PHF24: variants seen among roughly 807,000 people sequenced by gnomAD.
PHF24 encodes PHD finger protein 24.
Under a neutral mutation model 42.6 loss-of-function variants are expected in PHF24, and 25 were observed. The ratio of observed to expected loss-of-function variants is 0.59; its 90% CI spans 0.43 to 0.82. The LOEUF (loss-of-function observed/expected upper bound fraction) is 0.82. Among genes scored for constraint, PHF24 ranks in the 40% least tolerant of loss-of-function variants. The probability of loss-of-function intolerance (pLI) is 0.00; values close to 1 mark genes in which losing one functional copy is unlikely to be tolerated. For synonymous variants in PHF24, 185 were observed against 204.8 expected (o/e 0.90, Z 0.83); for missense variants, 470 against 538.1 (o/e 0.87, Z 1.25).
At chr9:34,792,362 C>A in the PHF24 span, among the ~76,000 whole-genome samples, 6 of 152,268 alleles carry the variant, frequency 3.9e-5, no homozygotes, top group East Asian at 1.2e-3. Flanking sequence ...TGGGAAGGAC[C>A]CTGCAAAATC....
At chr9:34,835,670 G>A in the PHF24 span, 1 of 1,551,434 alleles carries the variant, frequency 6.4e-7, no homozygotes, top group Non-Finnish European at 8.7e-7. Flanking sequence ...AGCACAGCTG[G>A]CACTTGAAAT....
At chr9:34,710,043 G>C in the PHF24 span, 1 of 1,614,024 alleles carries the variant, frequency 6.2e-7, no homozygotes, top group Non-Finnish European at 8.5e-7. Context: ...GGATAAGGAG[G>C]CTCAGAGCCA....
the PHF24 span, among the ~76,000 whole-genome samples, chr9:34,712,382 T>A: frequency 6.6e-6 from 1 of 152,304 alleles, no homozygotes; most frequent in Middle Eastern, 3.4e-3. Context: ...TCAATTTTTT[T>A]AATGCCCTGT....
the PHF24 span, among the ~76,000 whole-genome samples, chr9:34,695,577 G>A: frequency 6.6e-6 from 1 of 152,206 alleles, no homozygotes. Context: ...GGTATCTGAA[G>A]TAGGGGGGCA....
the PHF24 span, among the ~76,000 whole-genome samples, chr9:34,711,067 A>G: frequency 3.9e-5 from 6 of 152,282 alleles, no homozygotes; most frequent in East Asian, 5.8e-4. Flanking sequence ...TTTCAATGGT[A>G]TATAAACATT....
At chr9:34,918,119 T>A in the PHF24 span, 1 of 1,549,776 alleles carries the variant, frequency 6.5e-7, no homozygotes, top group Non-Finnish European at 8.9e-7. Context: ...TTTCTGCTGG[T>A]GTAGCCAATC....
chr9:34,708,599 T>A, the PHF24 span, among the ~76,000 whole-genome samples: 1 of 152,162 alleles, frequency 6.6e-6, no homozygotes, highest in Non-Finnish European at 1.5e-5. Flanking sequence ...TAGGGACCCT[T>A]CCAAAGAACC....
the PHF24 span, among the ~76,000 whole-genome samples, chr9:34,730,757 G>A: frequency 0.53 from 80,378 of 152,078 alleles, 23,975 homozygotes; most frequent in South Asian, 0.74. Context: ...CTGGGTAGTC[G>A]AAGTTAAGTT....
chr9:34,977,994 TG>T lies in PHF24; in HGVS notation c.1107-20del, dbSNP rs1827266023. The T allele has an allele frequency of 6.3e-7, 1 of 1,589,916 alleles. No homozygotes were observed. ...TGTCTTCAAACCAGCCTCACGACTC[TG>T]TTCTTTGCTTCCACTCCAGATTTGT... On this transcript the variant is annotated intron_variant, in intron 7 of 7. Coordinates refer to ENST00000242315, the Ensembl canonical transcript of PHF24.
the PHF24 span, among the ~76,000 whole-genome samples, chr9:34,869,677 A>T: frequency 8.5e-5 from 13 of 152,124 alleles, no homozygotes; most frequent in Admixed American, 8.5e-4. Context: ...GCCTGCATAT[A>T]TCTTACTACC....
At chr9:34,821,335 A>G in the PHF24 span, among the ~76,000 whole-genome samples, 1 of 151,746 alleles carries the variant, frequency 6.6e-6, no homozygotes, top group African/African-American at 2.4e-5. Flanking sequence ...GTTTATTTCT[A>G]TAATGGTTGT....
At chr9:34,875,637 A>G in the PHF24 span, among the ~76,000 whole-genome samples, 2 of 152,202 alleles carry the variant, frequency 1.3e-5, no homozygotes, top group Non-Finnish European at 2.9e-5. Flanking sequence ...ATGGAAAAAC[A>G]TACCGTGAAA....
the PHF24 span, among the ~76,000 whole-genome samples, chr9:34,823,065 G>A: frequency 2.1e-4 from 32 of 151,144 alleles, no homozygotes; most frequent in South Asian, 4.8e-3. Context: ...GCGCGGTGGC[G>A]GGCGCCTGTA....
chr9:34,756,994 C>T, the PHF24 span, among the ~76,000 whole-genome samples: 1 of 152,036 alleles, frequency 6.6e-6, no homozygotes, highest in Non-Finnish European at 1.5e-5. Context: ...CAACCTCAAC[C>T]CCCAGGTTCA....
the PHF24 span, among the ~76,000 whole-genome samples, chr9:34,823,803 G>A: frequency 1.8e-4 from 28 of 152,228 alleles, no homozygotes; most frequent in Non-Finnish European, 3.8e-4. Flanking sequence ...TGAGGCAGCC[G>A]AGAAGAGACT....
the PHF24 span, among the ~76,000 whole-genome samples, chr9:34,928,609 A>G: frequency 6.6e-6 from 1 of 152,096 alleles, no homozygotes; most frequent in Admixed American, 6.5e-5. Flanking sequence ...CCTGGTAAGC[A>G]TTAATTCAAA....
chr9:34,803,634 CTG>C, the PHF24 span, among the ~76,000 whole-genome samples: 23 of 152,266 alleles, frequency 1.5e-4, no homozygotes, highest in Non-Finnish European at 3.1e-4. Context: ...CCTCATCAGA[CTG>C]TTAATATTCT....
At chr9:34,908,474 G>A in the PHF24 span, among the ~76,000 whole-genome samples, 3 of 152,196 alleles carry the variant, frequency 2.0e-5, no homozygotes, top group African/African-American at 7.2e-5. Flanking sequence ...ATGGTGATAA[G>A]TGCAGTGGAG....
chr9:34,713,485 C>G, the PHF24 span, among the ~76,000 whole-genome samples: 1 of 151,158 alleles, frequency 6.6e-6, no homozygotes, highest in African/African-American at 2.5e-5. Flanking sequence ...AGCAACCTCT[C>G]CCTTCATCAA....
Sources: gnomAD v4.1 joint callset for allele counts (sites outside exome capture counted in the v4.1 genomes callset) on GRCh38, gnomAD v4.1.1 for gene constraint, MANE v1.5 for transcripts, NCBI Gene and HGNC (gene_info 2026-07-23, HGNC 2026-07-21) for gene names.